The following DSCAML1 variants were observed in gnomAD, a reference collection of about 807,000 sequenced individuals.
DSCAML1 encodes the protein cell adhesion molecule DSCAML1.
DSCAML1 carries 38 observed loss-of-function variants against 200.5 expected under a neutral mutation model. The ratio of observed to expected loss-of-function variants is 0.19; its 90% CI spans 0.15 to 0.25. DSCAML1 has a LOEUF of 0.25. DSCAML1 is among the 10% of genes least tolerant of loss of function. DSCAML1 has a pLI of 1.00. For missense variants in DSCAML1, 2,223 were observed against 2,858.8 expected (o/e 0.78, Z 5.07); for synonymous variants, 1,215 against 1,165.0 (o/e 1.04, Z -0.87).
At chr11:117,564,597 T>C (rs2050721068) in intron 3 of DSCAML1, among the ~76,000 whole-genome samples, 1 of 152,168 alleles carries the variant, frequency 6.6e-6, no homozygotes, top group South Asian at 2.1e-4. Context: ...TCTCTGCTGC[T>C]CACTCCTTGC....
chr11:117,620,665 C>T (rs1367362044), intron 3 of DSCAML1, among the ~76,000 whole-genome samples: 6 of 152,310 alleles, frequency 3.9e-5, no homozygotes, highest in African/African-American at 1.4e-4. Context: ...TGTTTTAGGC[C>T]TGAACAGGCA....
chr11:117,445,360 A>G (rs1435283969), intron 20 of DSCAML1, among the ~76,000 whole-genome samples: 1 of 152,152 alleles, frequency 6.6e-6, no homozygotes, highest in Non-Finnish European at 1.5e-5. Context: ...GCCACCCTTG[A>G]GCCCTGGTGG....
intron 3 of DSCAML1, among the ~76,000 whole-genome samples, chr11:117,706,175 C>T (rs772472450): frequency 4.6e-5 from 7 of 152,216 alleles, no homozygotes; most frequent in Non-Finnish European, 8.8e-5. Flanking sequence ...AATCACCTCT[C>T]GCAGGAGCCC....
At chr11:117,744,834 G>A (rs1012300966) in intron 3 of DSCAML1, among the ~76,000 whole-genome samples, 1 of 152,238 alleles carries the variant, frequency 6.6e-6, no homozygotes, top group African/African-American at 2.4e-5. Flanking sequence ...CAGGCAAAGG[G>A]GAAGGAAGTC....
chr11:117,464,551 C>G (rs989071783), intron 17 of DSCAML1, among the ~76,000 whole-genome samples: 2 of 152,134 alleles, frequency 1.3e-5, no homozygotes, highest in African/African-American at 4.8e-5. Flanking sequence ...TGGACAGGTT[C>G]CAGACTAGAA....
chr11:117,524,729 C>T (rs1044140685), intron 5 of DSCAML1, 76 bp downstream of exon 5: 70 of 1,494,872 alleles, frequency 4.7e-5, no homozygotes, highest in African/African-American at 7.1e-5. Context: ...GTCCAGCTGT[C>T]GGCCACACTC....
chr11:117,754,983 C>A (rs2054662549), intron 3 of DSCAML1, among the ~76,000 whole-genome samples: 1 of 152,162 alleles, frequency 6.6e-6, no homozygotes, highest in African/African-American at 2.4e-5. Context: ...GTTACCCCGG[C>A]CACAGACAAC....
At chr11:117,740,731 A>G (rs560904994) in intron 3 of DSCAML1, among the ~76,000 whole-genome samples, 170 of 152,380 alleles carry the variant, frequency 1.1e-3, no homozygotes, top group African/African-American at 3.9e-3. Flanking sequence ...GGCAAGCCCC[A>G]GCCATGGCCA....
chr11:117,711,689 C>CT (rs1201674664), intron 3 of DSCAML1, among the ~76,000 whole-genome samples: 1 of 152,040 alleles, frequency 6.6e-6, no homozygotes, highest in Non-Finnish European at 1.5e-5. Context: ...TCTGCCGGTC[C>CT]TTTTTTTTCC....
intron 3 of DSCAML1, among the ~76,000 whole-genome samples, chr11:117,765,925 T>A (rs1326350070): frequency 2.6e-5 from 4 of 152,158 alleles, no homozygotes. Context: ...GCCCCACTTC[T>A]TCAGAGCAAA....
At chr11:117,769,295 T>TTTATATATTATATATTTTATATATA (rs2054971984) in intron 3 of DSCAML1, among the ~76,000 whole-genome samples, 1 of 30,734 alleles carries the variant, frequency 3.3e-5, no homozygotes, top group African/African-American at 1.0e-4. Flanking sequence ...ATTTTATATA[T>TTTATATATTATATATTTTATATATA]TTATATATAT....
chr11:117,700,079 G>T (rs1478620095), intron 3 of DSCAML1, among the ~76,000 whole-genome samples: 1 of 152,170 alleles, frequency 6.6e-6, no homozygotes, highest in Non-Finnish European at 1.5e-5. Context: ...CATCTTTTGG[G>T]AGCTCACAAG....
intron 3 of DSCAML1, among the ~76,000 whole-genome samples, chr11:117,683,969 A>G (rs2053356582): frequency 6.6e-6 from 1 of 152,220 alleles, no homozygotes; most frequent in Non-Finnish European, 1.5e-5. Flanking sequence ...GCAGGCAGAT[A>G]TATGTGTGCT....
chr11:117,601,883 G>A (rs1347680873), intron 3 of DSCAML1, among the ~76,000 whole-genome samples: 2 of 152,218 alleles, frequency 1.3e-5, no homozygotes, highest in Non-Finnish European at 2.9e-5. Context: ...GGACCCGAGG[G>A]GTCTAGGCCA....
At chr11:117,656,023 C>T (rs1410448815) in intron 3 of DSCAML1, among the ~76,000 whole-genome samples, 4 of 152,140 alleles carry the variant, frequency 2.6e-5, no homozygotes, top group Non-Finnish European at 5.9e-5. Context: ...GGGCAGATCA[C>T]GAGGTCAGGA....
chr11:117,587,789 G>A (rs1442787360), intron 3 of DSCAML1, among the ~76,000 whole-genome samples: 1 of 152,136 alleles, frequency 6.6e-6, no homozygotes, highest in Non-Finnish European at 1.5e-5. Flanking sequence ...CCTCCTCTTT[G>A]TCCCTTATCT....
At chr11:117,585,489 C>T (rs191486673) in intron 3 of DSCAML1, among the ~76,000 whole-genome samples, 82 of 152,228 alleles carry the variant, frequency 5.4e-4, no homozygotes, top group African/African-American at 1.8e-3. Context: ...CCTTGTGATC[C>T]GCCCACCTCG....
At chr11:117,787,021 T>G (rs2055368382) in intron 1 of DSCAML1, among the ~76,000 whole-genome samples, 1 of 152,164 alleles carries the variant, frequency 6.6e-6, no homozygotes, top group Non-Finnish European at 1.5e-5. Flanking sequence ...CCGAGGGCAG[T>G]GACTGTCTAG....
intron 3 of DSCAML1, among the ~76,000 whole-genome samples, chr11:117,695,665 T>C (rs1650790647): frequency 6.6e-6 from 1 of 152,186 alleles, no homozygotes; most frequent in Non-Finnish European, 1.5e-5. Context: ...TTTGAGGGTG[T>C]ACAGAGAGAT....
Sources: gnomAD v4.1 joint callset for allele counts (sites outside exome capture counted in the v4.1 genomes callset) on GRCh38, gnomAD v4.1.1 for gene constraint, MANE v1.5 for transcripts, NCBI Gene and HGNC (gene_info 2026-07-23, HGNC 2026-07-21) for gene names.